Variants in KCNN2 observed in about 807,000 individuals in gnomAD.
The protein encoded by KCNN2 is small conductance calcium-activated potassium channel protein 2.
Under a neutral mutation model 55.5 loss-of-function variants are expected in KCNN2, and 24 were observed. The ratio of observed to expected loss-of-function variants is 0.43; its 90% CI spans 0.31 to 0.61. KCNN2 has a LOEUF of 0.61. Ranked by LOEUF, KCNN2 falls within the 20% of genes least tolerant of loss-of-function variation. KCNN2 has a pLI of 0.08. For missense variants in KCNN2, 754 were observed against 853.6 expected (o/e 0.88, Z 1.45); for synonymous variants, 431 against 336.1 (o/e 1.28, Z -3.09).
At chr5:114,396,551 CT>C (rs11293896) in intron 2 of KCNN2, among the ~76,000 whole-genome samples, 65,838 of 140,224 alleles carry the variant, frequency 0.47, 14,885 homozygotes, top group South Asian at 0.62. Flanking sequence ...AATAGGTAGT[CT>C]TTTTTTTTTT....
intron 2 of KCNN2, among the ~76,000 whole-genome samples, chr5:114,252,450 A>G (rs1013519582): frequency 8.5e-5 from 13 of 152,182 alleles, no homozygotes; most frequent in Admixed American, 7.2e-4. Context: ...TCCAGAAACC[A>G]GGATGCATAG....
chr5:114,312,424 CACACACACACATATATATATATAT>C (rs1440363651), intron 2 of KCNN2, among the ~76,000 whole-genome samples: 42 of 60,206 alleles, frequency 7.0e-4, no homozygotes, highest in Middle Eastern at 0.012. Flanking sequence ...CACACACACA[CACACACACACATATATATATATAT>C]ATATATATAT....
At chr5:114,305,952 T>C (rs913176411) in intron 2 of KCNN2, among the ~76,000 whole-genome samples, 1 of 152,212 alleles carries the variant, frequency 6.6e-6, no homozygotes, top group Non-Finnish European at 1.5e-5. Context: ...TGCATATTTT[T>C]TATTAGGGTA....
At chr5:114,161,084 A>C (rs1451101657) in intron 1 of KCNN2, among the ~76,000 whole-genome samples, 2 of 152,132 alleles carry the variant, frequency 1.3e-5, no homozygotes, top group Non-Finnish European at 2.9e-5. Flanking sequence ...TAGTTGATGC[A>C]GTTTCTTCCT....
intron 1 of KCNN2, among the ~76,000 whole-genome samples, chr5:114,094,220 G>A (rs1751209530): frequency 6.8e-6 from 1 of 146,692 alleles, no homozygotes; most frequent in South Asian, 2.2e-4. Context: ...TAGCTGTTTT[G>A]TGACACTCTT....
chr5:114,084,103 G>A (rs951522198), intron 1 of KCNN2, among the ~76,000 whole-genome samples: 8 of 152,112 alleles, frequency 5.3e-5, no homozygotes, highest in East Asian at 1.9e-4. Flanking sequence ...TAGTTGCTTC[G>A]TCTTTTTGGC....
chr5:114,277,035 G>A (rs527967906), intron 2 of KCNN2, among the ~76,000 whole-genome samples: 1 of 152,208 alleles, frequency 6.6e-6, no homozygotes, highest in Admixed American at 6.5e-5. Flanking sequence ...AGGCCTGGTG[G>A]TGACAAAATC....
chr5:114,318,400 A>G (rs545820058), intron 2 of KCNN2, among the ~76,000 whole-genome samples: 1 of 152,164 alleles, frequency 6.6e-6, no homozygotes, highest in African/African-American at 2.4e-5. Context: ...AATCTGAAGG[A>G]TGGCCACTTA....
At chr5:114,185,151 AG>A (rs1424778860) in intron 1 of KCNN2, among the ~76,000 whole-genome samples, 3 of 152,228 alleles carry the variant, frequency 2.0e-5, no homozygotes, top group African/African-American at 7.2e-5. Flanking sequence ...AAAGGTTAAA[AG>A]GAAAGAGAGG....
At chr5:114,494,922 G>A (rs1024838310) in intron 7 of KCNN2, among the ~76,000 whole-genome samples, 2 of 152,092 alleles carry the variant, frequency 1.3e-5, no homozygotes, top group South Asian at 2.1e-4. Flanking sequence ...TATGATAGAA[G>A]GGAAATGCAG....
chr5:114,084,102 C>T (rs1041190993), intron 1 of KCNN2, among the ~76,000 whole-genome samples: 5 of 151,982 alleles, frequency 3.3e-5, no homozygotes, highest in African/African-American at 7.2e-5. Flanking sequence ...TTAGTTGCTT[C>T]GTCTTTTTGG....
intron 1 of KCNN2, among the ~76,000 whole-genome samples, chr5:114,209,803 G>A (rs1268572955): frequency 6.6e-6 from 1 of 152,138 alleles, no homozygotes; most frequent in African/African-American, 2.4e-5. Context: ...GCTGAAATAT[G>A]AAATGTCACA....
intron 3 of KCNN2, among the ~76,000 whole-genome samples, chr5:114,410,844 A>G (rs1252697623): frequency 1.3e-5 from 2 of 152,176 alleles, no homozygotes; most frequent in African/African-American, 4.8e-5. Context: ...TTTTCCCATT[A>G]TTTTATCTCT....
intron 1 of KCNN2, among the ~76,000 whole-genome samples, chr5:114,195,072 A>G (rs779362157): frequency 3.3e-5 from 5 of 151,992 alleles, no homozygotes; most frequent in Non-Finnish European, 5.9e-5. Flanking sequence ...TGCCAGTGCC[A>G]CACTGTATTA....
chr5:114,237,090 G>A (rs1038936096), intron 2 of KCNN2, among the ~76,000 whole-genome samples: 2 of 152,064 alleles, frequency 1.3e-5, no homozygotes, highest in African/African-American at 4.8e-5. Flanking sequence ...TTCTCTTGGG[G>A]ATATATTTCT....
intron 1 of KCNN2, among the ~76,000 whole-genome samples, chr5:114,121,146 A>G (rs1580531904): frequency 6.6e-6 from 1 of 152,188 alleles, no homozygotes; most frequent in African/African-American, 2.4e-5. Flanking sequence ...TTTTGGAAGT[A>G]TTTGGAGCTC....
At chr5:114,454,652 C>T (rs781686054) in intron 3 of KCNN2, among the ~76,000 whole-genome samples, 4 of 152,222 alleles carry the variant, frequency 2.6e-5, no homozygotes, top group Non-Finnish European at 5.9e-5. Flanking sequence ...CCAAACATTT[C>T]TTCTGCCCTT....
chr5:114,399,937 T>G (rs1396465365), intron 2 of KCNN2, among the ~76,000 whole-genome samples: 1 of 148,794 alleles, frequency 6.7e-6, no homozygotes, highest in Non-Finnish European at 1.5e-5. Flanking sequence ...TTTGTTTTTT[T>G]TTTTTGTATT....
chr5:114,069,170 A>G (rs1906222), intron 1 of KCNN2, among the ~76,000 whole-genome samples: 3,206 of 152,232 alleles, frequency 0.021, 130 homozygotes, highest in African/African-American at 0.073. Context: ...AGGAGTTTGT[A>G]CAGTGTACCT....
Sources: allele counts gnomAD v4.1 joint callset (sites outside exome capture counted in the v4.1 genomes callset), GRCh38; gene constraint gnomAD v4.1.1; transcripts MANE v1.5; gene names NCBI Gene and HGNC (gene_info 2026-07-23, HGNC 2026-07-21).